The following SEMA3A variants were observed in gnomAD, a reference collection of about 807,000 sequenced individuals.
The protein encoded by SEMA3A is semaphorin-3A.
Under a neutral mutation model 97.9 loss-of-function variants are expected in SEMA3A, and 29 were observed. The observed-to-expected ratio is 0.30, with a 90% CI of 0.22 to 0.40. The LOEUF is 0.40. SEMA3A is among the 10% of genes least tolerant of loss of function. The pLI, the probability that SEMA3A is intolerant of heterozygous loss-of-function variation, is 1.00. For synonymous variants in SEMA3A, 321 were observed against 323.7 expected (o/e 0.99, Z 0.09); for missense variants, 763 against 951.3 (o/e 0.80, Z 2.60).
chr7:84,136,412 T>A (rs1272397182), intron 1 of SEMA3A, among the ~76,000 whole-genome samples: 1 of 152,166 alleles, frequency 6.6e-6, no homozygotes, highest in Non-Finnish European at 1.5e-5. Context: ...AAAGGTCAGG[T>A]CACTATCATT....
At chr7:83,989,987 C>T (rs1462413876) in intron 12 of SEMA3A, among the ~76,000 whole-genome samples, 2 of 151,918 alleles carry the variant, frequency 1.3e-5, no homozygotes, top group Non-Finnish European at 2.9e-5. Context: ...CTGTTGTTTC[C>T]TGACTTTTTA....
chr7:84,468,040 T>G (rs534222104), intron 1 of SEMA3A, among the ~76,000 whole-genome samples: 186 of 152,158 alleles, frequency 1.2e-3, no homozygotes, highest in African/African-American at 4.2e-3. Flanking sequence ...CTCCCACTAA[T>G]GAGATTAAAT....
chr7:84,077,460 T>C (rs560540256), intron 4 of SEMA3A, among the ~76,000 whole-genome samples: 1 of 152,054 alleles, frequency 6.6e-6, no homozygotes, highest in African/African-American at 2.4e-5. Flanking sequence ...AAGGAGCATA[T>C]GTCCTGTAAA....
chr7:83,994,726 A>C (rs1235645770), intron 12 of SEMA3A, among the ~76,000 whole-genome samples: 2 of 150,806 alleles, frequency 1.3e-5, no homozygotes, highest in African/African-American at 2.4e-5. Flanking sequence ...CAAAGCTGTC[A>C]GACAGGGCCA....
chr7:84,042,297 A>G (rs552321599), intron 6 of SEMA3A, among the ~76,000 whole-genome samples: 108 of 152,216 alleles, frequency 7.1e-4, no homozygotes, highest in Middle Eastern at 3.4e-3. Flanking sequence ...GAGTTAGTCT[A>G]TCTACAGGCA....
At chr7:84,417,768 A>T (rs1804474220) in intron 1 of SEMA3A, among the ~76,000 whole-genome samples, 1 of 152,154 alleles carries the variant, frequency 6.6e-6, no homozygotes, top group African/African-American at 2.4e-5. Flanking sequence ...ATGCTGAAGT[A>T]GTTATTTTTT....
intron 1 of SEMA3A, among the ~76,000 whole-genome samples, chr7:84,398,495 G>T (rs759055166): frequency 1.4e-4 from 22 of 152,074 alleles, no homozygotes; most frequent in Admixed American, 2.6e-4. Flanking sequence ...TCAAACTTAA[G>T]GTCTAGTAAT....
chr7:84,333,371 G>A (rs946254276), intron 2 of SEMA3A, among the ~76,000 whole-genome samples: 5 of 151,978 alleles, frequency 3.3e-5, no homozygotes, highest in African/African-American at 9.7e-5. Flanking sequence ...TGATGATATC[G>A]AAGATTTTCT....
intron 1 of SEMA3A, among the ~76,000 whole-genome samples, chr7:84,439,754 G>C (rs1162080264): frequency 5.9e-5 from 9 of 152,108 alleles, no homozygotes; most frequent in Admixed American, 2.0e-4. Flanking sequence ...TACATATATA[G>C]TACATGTGAG....
intron 4 of SEMA3A, among the ~76,000 whole-genome samples, chr7:84,068,606 A>G (rs1042201265): frequency 2.0e-5 from 3 of 152,088 alleles, no homozygotes; most frequent in Non-Finnish European, 4.4e-5. Flanking sequence ...AATTATTGTT[A>G]TGAATATTAT....
intron 1 of SEMA3A, among the ~76,000 whole-genome samples, chr7:84,157,740 T>C (rs1796888921): frequency 6.6e-6 from 1 of 152,150 alleles, no homozygotes; most frequent in Non-Finnish European, 1.5e-5. Context: ...CATCTTTCAC[T>C]TGCCACCACT....
At chr7:84,122,980 G>A (rs1045012661) in intron 3 of SEMA3A, among the ~76,000 whole-genome samples, 1 of 152,116 alleles carries the variant, frequency 6.6e-6, no homozygotes, top group African/African-American at 2.4e-5. Context: ...ATGAGAGTCT[G>A]CTTTTTTGTT....
intron 2 of SEMA3A, among the ~76,000 whole-genome samples, chr7:84,320,756 T>C (rs1430498416): frequency 1.3e-5 from 2 of 152,158 alleles, no homozygotes; most frequent in African/African-American, 2.4e-5. Flanking sequence ...TGTCATGATG[T>C]AGTGAGAGAG....
At position 84,032,001 on chromosome 7, in the gene SEMA3A, T is replaced by C. The variant is rs142310024; in HGVS notation, c.667+14323A>G. On this transcript the variant is annotated intron_variant, in intron 6 of 16. Transcript: ENST00000265362. ...AATAAAAAAAATTGTCAAATAATCA[T>C]AAAACTTACTTTGTCAAAAATTGTT... 1.5e-3 allele frequency among the ~76,000 whole-genome samples: 222 copies of C among 152,328 alleles called. 2 individuals carry two copies. The East Asian group carries it at 0.016, about 11-fold the overall frequency.
At chr7:84,088,368 C>G (rs924316412) in intron 4 of SEMA3A, among the ~76,000 whole-genome samples, 1 of 151,822 alleles carries the variant, frequency 6.6e-6, no homozygotes, top group Non-Finnish European at 1.5e-5. Flanking sequence ...GCAGGAGAAT[C>G]GCTTGAACCC....
intron 5 of SEMA3A, among the ~76,000 whole-genome samples, chr7:84,047,757 A>G (rs1027730218): frequency 6.6e-6 from 1 of 152,080 alleles, no homozygotes; most frequent in African/African-American, 2.4e-5. Context: ...AAATATGCAG[A>G]TAATAAAGAG....
At position 84,056,768 on chromosome 7, in the gene SEMA3A, T is replaced by A. The variant is rs112905951; in HGVS notation, c.547+3697A>T. On this transcript the variant is annotated intron_variant, in intron 5 of 16. Transcript: ENST00000265362. ...TTATGTTGTTCTTTTAAAATTAAAA[T>A]TTTTCAACAGTTTATATGTCTACAT... Among the ~76,000 whole-genome samples, 160 of 152,246 alleles carry A rather than the reference T, an allele frequency of 1.1e-3. 2 individuals carry two copies. Among genetic ancestry groups the A allele is most frequent in the African/African-American group, 3.2e-3 (133 of 41,552 alleles).
intron 4 of SEMA3A, among the ~76,000 whole-genome samples, chr7:84,062,035 T>C (rs1793236353): frequency 6.6e-6 from 1 of 152,198 alleles, no homozygotes; most frequent in African/African-American, 2.4e-5. Flanking sequence ...TGTCAGCACA[T>C]GTAAGGATAT....
intron 16 of SEMA3A, among the ~76,000 whole-genome samples, chr7:83,962,190 T>C (rs935429070): frequency 3.9e-5 from 6 of 151,998 alleles, no homozygotes; most frequent in Admixed American, 1.3e-4. Flanking sequence ...TACAGAACCA[T>C]GATACTAGAA....
Sources: gnomAD v4.1 joint callset for allele counts (sites outside exome capture counted in the v4.1 genomes callset) on GRCh38, gnomAD v4.1.1 for gene constraint, MANE v1.5 for transcripts, NCBI Gene and HGNC (gene_info 2026-07-23, HGNC 2026-07-21) for gene names.